Variants in ABHD17B observed in about 807,000 individuals in gnomAD.
ABHD17B encodes the protein alpha/beta hydrolase domain-containing protein 17B.
ABHD17B carries 9 observed loss-of-function variants against 26.2 expected under a neutral mutation model. The ratio of observed to expected loss-of-function variants is 0.34; its 90% CI spans 0.21 to 0.60. The LOEUF is 0.60. Among genes scored for constraint, ABHD17B ranks in the 20% least tolerant of loss-of-function variants. ABHD17B has a pLI of 0.80. For missense variants in ABHD17B, 224 were observed against 352.1 expected (o/e 0.64, Z 2.91); for synonymous variants, 127 against 122.3 (o/e 1.04, Z -0.25).
intron 1 of ABHD17B, among the ~76,000 whole-genome samples, chr9:71,902,284 T>C (rs1449235244): frequency 6.6e-6 from 1 of 152,204 alleles, no homozygotes; most frequent in Non-Finnish European, 1.5e-5. Flanking sequence ...GTGTATGAAC[T>C]AGGTTATGAA....
intron 1 of ABHD17B, among the ~76,000 whole-genome samples, chr9:71,909,215 C>G (rs759976749): frequency 1.3e-5 from 2 of 152,158 alleles, no homozygotes; most frequent in South Asian, 2.1e-4. Flanking sequence ...GCCAATTAAC[C>G]TTATTAACAC....
At chr9:71,901,676 CTCCACCTGCATTTCACTCTT>C (rs1466873383) in intron 1 of ABHD17B, among the ~76,000 whole-genome samples, 1 of 152,040 alleles carries the variant, frequency 6.6e-6, no homozygotes. Context: ...TCTGAAATAT[CTCCACCTGCATTTCACTCTT>C]TCCCCATCCC....
intron 2 of ABHD17B, among the ~76,000 whole-genome samples, chr9:71,873,635 A>G (rs771564726): frequency 1.3e-5 from 2 of 152,128 alleles, no homozygotes; most frequent in Non-Finnish European, 2.9e-5. Context: ...TGACCTCGTG[A>G]TCTACCTGCC....
chr9:71,866,704 C>T lies in ABHD17B; in HGVS notation c.*83G>A. Reference sequence around the variant, plus strand: ...GAAGGCAACTGACATGATTTGCAAACAAAACCTTCAGGTTTTATGTTATTT... The same window carrying T: ...GAAGGCAACTGACATGATTTGCAAATAAAACCTTCAGGTTTTATGTTATTT... On this transcript the variant is annotated 3_prime_UTR_variant, in exon 4 of 4. Coordinates refer to ENST00000333421, the MANE Select transcript of ABHD17B (RefSeq NM_001025780.3). The T allele has an allele frequency of 6.5e-7, 1 of 1,542,706 alleles. No homozygotes were observed. The highest frequency in any genetic ancestry group is 8.7e-7 in the Non-Finnish European group (1 of 1,145,202).
downstream of ABHD17B, chr9:71,862,519 T>C: frequency 6.5e-7 from 1 of 1,549,478 alleles, no homozygotes; most frequent in Non-Finnish European, 8.7e-7. Flanking sequence ...CAGTTAAGTT[T>C]GGTAAAGAGA....
At chr9:71,867,892 C>T (rs996834857) in intron 3 of ABHD17B, among the ~76,000 whole-genome samples, 4 of 152,048 alleles carry the variant, frequency 2.6e-5, no homozygotes, top group African/African-American at 9.7e-5. Flanking sequence ...AGGCCACTGT[C>T]CTCCAGGAGG....
chr9:71,902,076 T>C (rs546410156), intron 1 of ABHD17B, among the ~76,000 whole-genome samples: 2 of 152,318 alleles, frequency 1.3e-5, no homozygotes, highest in South Asian at 4.1e-4. Flanking sequence ...TTATCACATA[T>C]AGTTCCTTTT....
intron 1 of ABHD17B, among the ~76,000 whole-genome samples, chr9:71,875,735 T>C (rs1001652187): frequency 2.6e-5 from 4 of 152,264 alleles, no homozygotes; most frequent in Non-Finnish European, 4.4e-5. Context: ...CTGTAATTTC[T>C]ATGTAACTCA....
downstream of ABHD17B, chr9:71,862,698 TC>T (rs1564056678): frequency 6.1e-3 from 3,290 of 539,942 alleles, 84 homozygotes; most frequent in African/African-American, 0.11. Context: ...GAAAAATCAC[TC>T]TTAAGATTTT....
chr9:71,876,773 G>A (rs570732019), intron 1 of ABHD17B, among the ~76,000 whole-genome samples: 1 of 152,122 alleles, frequency 6.6e-6, no homozygotes, highest in African/African-American at 2.4e-5. Flanking sequence ...ATAATGCTCA[G>A]TATAAATGTG....
At chr9:71,887,652 G>A (rs1197673134) in intron 1 of ABHD17B, among the ~76,000 whole-genome samples, 1 of 152,166 alleles carries the variant, frequency 6.6e-6, no homozygotes, top group Non-Finnish European at 1.5e-5. Flanking sequence ...AGTGCTGAAC[G>A]AAAACCTTTG....
At chr9:71,895,675 A>G (rs1228318343) in intron 1 of ABHD17B, among the ~76,000 whole-genome samples, 1 of 152,194 alleles carries the variant, frequency 6.6e-6, no homozygotes, top group Non-Finnish European at 1.5e-5. Context: ...TTTCTTATTA[A>G]TATCTTCTAC....
intron 1 of ABHD17B, among the ~76,000 whole-genome samples, chr9:71,898,638 TCAAACAAA>T (rs540545268): frequency 5.3e-5 from 8 of 151,114 alleles, no homozygotes; most frequent in Admixed American, 4.0e-4. Flanking sequence ...AAACTCTATT[TCAAACAAA>T]CAAACAAACA....
chr9:71,892,356 C>T (rs1278380864), intron 1 of ABHD17B, among the ~76,000 whole-genome samples: 1 of 151,776 alleles, frequency 6.6e-6, no homozygotes, highest in Non-Finnish European at 1.5e-5. Context: ...CACGGTGAAA[C>T]CTCATCTCTA....
At chr9:71,894,253 T>G (rs1054239557) in intron 1 of ABHD17B, among the ~76,000 whole-genome samples, 1 of 152,198 alleles carries the variant, frequency 6.6e-6, no homozygotes, top group African/African-American at 2.4e-5. Flanking sequence ...TTTGACTTAT[T>G]TCTTATTTAT....
Position 71,866,020 on chromosome 9 carries a change from A to G in ABHD17B, c.*767T>C. The G allele has an allele frequency of 1.0e-6, 1 of 985,416 alleles. No individual in the cohort carries two copies. The highest frequency in any genetic ancestry group is 1.2e-6 in the Non-Finnish European group (1 of 829,900). The allele number at this position is 985,416 out of a possible 1,614,324, so 61.0% of individuals were successfully genotyped here. A position where few individuals can be genotyped will look rare whatever the true frequency, so the allele number is the denominator to read the frequency against. On this transcript the variant is annotated 3_prime_UTR_variant, in exon 4 of 4. Transcript: ENST00000333421. ...GTCAAAATTTAAAACATCGTATACA[A>G]AATCATTCTTGAAATCTCTAAATGC... is the stretch of plus-strand genomic sequence containing the variant.
chr9:71,890,155 C>T lies in ABHD17B; in HGVS notation c.-3-15072G>A, dbSNP rs112972778. Among the ~76,000 whole-genome samples, 578 of 151,948 alleles carry T rather than the reference C, an allele frequency of 3.8e-3. 3 individuals are homozygous for T. Among genetic ancestry groups the T allele is most frequent in the Middle Eastern group, 0.014 (4 of 292 alleles). On this transcript the variant is annotated intron_variant, in intron 1 of 3. Coordinates refer to ENST00000333421, the MANE Select transcript of ABHD17B (RefSeq NM_001025780.3). ...ATAAATAAATATTAGCTGGGAGTGA[C>T]GGTGCATGTCTGCAATCCCAGCTAG...
rs139138445 is a variant in ABHD17B at position 71,895,017 on chromosome 9, C to T, written c.-4+15617G>A. The stretch of plus-strand genomic sequence containing the variant: ...CTGCCACACAGAAATCACTCAAAAG[C>T]CACTGCTGGCTGAGCTGAATTTTGT... On this transcript the variant is annotated intron_variant, in intron 1 of 3. Coordinates refer to ENST00000333421, the MANE Select transcript of ABHD17B (RefSeq NM_001025780.3). 2.4e-3 allele frequency among the ~76,000 whole-genome samples: 367 copies of T among 152,288 alleles called. 4 individuals carry two copies. Among genetic ancestry groups the T allele is most frequent in the Non-Finnish European group, 4.3e-3 (293 of 68,028 alleles).
intron 3 of ABHD17B, among the ~76,000 whole-genome samples, chr9:71,868,431 C>G (rs950063429): frequency 3.3e-5 from 5 of 152,032 alleles, no homozygotes; most frequent in Non-Finnish European, 5.9e-5. Flanking sequence ...AAAACAAACA[C>G]TTTTTTAAAA....
Sources: allele counts gnomAD v4.1 joint callset (sites outside exome capture counted in the v4.1 genomes callset), GRCh38; gene constraint gnomAD v4.1.1; transcripts MANE v1.5; gene names NCBI Gene and HGNC (gene_info 2026-07-23, HGNC 2026-07-21).